The following HDGFL3 variants were observed in gnomAD, a reference collection of about 807,000 sequenced individuals.
The protein encoded by HDGFL3 is HDGF like 3.
A neutral mutation model predicts 27.6 loss-of-function variants in HDGFL3; 6 were observed. The observed-to-expected ratio is 0.22, with a 90% CI of 0.12 to 0.43. HDGFL3 has a LOEUF of 0.43. Among genes scored for constraint, HDGFL3 ranks in the 20% least tolerant of loss-of-function variants. The pLI, the probability that HDGFL3 is intolerant of heterozygous loss-of-function variation, is 1.00. For missense variants in HDGFL3, 207 were observed against 250.1 expected, an observed-to-expected ratio of 0.83 and a Z score of 1.16; for synonymous variants, 88 against 88.9, an observed-to-expected ratio of 0.99 and a Z score of 0.05.
At chr15:83,189,275 C>T (rs2037482506) in intron 1 of HDGFL3, 1 of 152,008 alleles carries the variant, frequency 6.6e-6, no homozygotes, top group African/African-American at 2.4e-5. Context: ...GCTTAAAACT[C>T]TCCTATGACT....
chr15:83,196,038 C>T (rs1231209843), intron 1 of HDGFL3, among the ~76,000 whole-genome samples: 3 of 151,692 alleles, frequency 2.0e-5, no homozygotes, highest in Non-Finnish European at 2.9e-5. Flanking sequence ...AAATAAAGCC[C>T]TGACATTTAT....
chr15:83,142,219 G>T (rs2036786006), intron 5 of HDGFL3, among the ~76,000 whole-genome samples: 1 of 152,146 alleles, frequency 6.6e-6, no homozygotes, highest in South Asian at 2.1e-4. Context: ...ACACATGCAT[G>T]AGAATGTTCA....
At chr15:83,152,706 A>G (rs2036978557) in intron 4 of HDGFL3, among the ~76,000 whole-genome samples, 1 of 151,596 alleles carries the variant, frequency 6.6e-6, no homozygotes, top group Non-Finnish European at 1.5e-5. Context: ...AAAACAAAAA[A>G]AGAGAAAACG....
In HDGFL3 at chr15:83,164,064, G is replaced by A; in HGVS notation, c.96C>T (p.Leu32=). Residue 32 remains leucine (L), a synonymous_variant, in exon 2 of 6, where the codon CTC becomes CTT. Coordinates refer to ENST00000299633, the MANE Select transcript of HDGFL3 (RefSeq NM_016073.4). ...YPHWPARIDE[L]PEGAVKPPAN... ...CTGGAGGCTTCACAGCGCCCTCTGG[G>A]AGTTCATCAATCTATGAAAGATACA... 6.2e-7 allele frequency: 1 copy of A among 1,605,934 alleles called. No individual in the cohort carries two copies. The highest frequency in any genetic ancestry group is 8.5e-7 in the Non-Finnish European group (1 of 1,176,442).
chr15:83,136,383 G>A lies in HDGFL3; in HGVS notation c.*2887C>T. 7.8e-6 allele frequency: 8 copies of A among 1,031,448 alleles called. No individual in the cohort carries two copies. The highest frequency in any genetic ancestry group is 9.5e-6 in the Non-Finnish European group (7 of 735,194). The allele number at this position is 1,031,448 out of a possible 1,614,324, so 63.9% of individuals were successfully genotyped here. A position where few individuals can be genotyped will look rare whatever the true frequency, so the allele number is the denominator to read the frequency against. On this transcript the variant is annotated 3_prime_UTR_variant, in exon 6 of 6. Transcript: ENST00000299633. ...CCTGCAGGTGAGACTGGTTTTGAGGGCACAGAAACGTAGCCTGAATGAACC... is the reference window on the plus strand; with the variant it reads ...CCTGCAGGTGAGACTGGTTTTGAGGACACAGAAACGTAGCCTGAATGAACC...
chr15:83,118,003 A>C (rs2034834533), intron 3 of HDGFL3, among the ~76,000 whole-genome samples: 1 of 152,148 alleles, frequency 6.6e-6, no homozygotes, highest in South Asian at 2.1e-4. Context: ...TGCATAGGAG[A>C]ATGAGGAATG....
In HDGFL3 at chr15:83,163,997, A is replaced by C; in HGVS notation, c.161+2T>G. On this transcript the variant is annotated splice_donor_variant, in intron 2 of 5. Coordinates refer to ENST00000299633, the MANE Select transcript of HDGFL3 (RefSeq NM_016073.4). LOFTEE classifies it high-confidence loss of function. ...CTGTTGAAACTATTTTTGCTAACTT[A>C]CGTTTCATGGGTGCCAAAAAAGAAG... is the stretch of plus-strand genomic sequence containing the variant. 1 of 1,610,820 alleles carries C rather than the reference A, an allele frequency of 6.2e-7. No homozygotes were observed. Among genetic ancestry groups the C allele is most frequent in the East Asian group, 2.2e-5 (1 of 44,792 alleles).
Position 83,135,377 on chromosome 15 carries a change from C to T in HDGFL3, c.*3893G>A, listed in dbSNP as rs2036540450. The T allele has an allele frequency of 6.6e-6, 1 of 152,196 alleles. No individual in the cohort carries two copies. The highest frequency in any genetic ancestry group is 2.4e-5 in the African/African-American group (1 of 41,452). The allele number at this position is 152,196 out of a possible 1,614,324, so 9.4% of individuals were successfully genotyped here. ...AAAGCAAATTATCTAGTTCTTCATT[C>T]TTGTTACTTCTATGCCTTCTCTATA... On this transcript the variant is annotated 3_prime_UTR_variant, in exon 6 of 6. Transcript: ENST00000299633.
At chr15:83,182,208 A>G (rs998136372) in intron 1 of HDGFL3, among the ~76,000 whole-genome samples, 1 of 152,082 alleles carries the variant, frequency 6.6e-6, no homozygotes, top group Admixed American at 6.5e-5. Flanking sequence ...ATCTTTTAAC[A>G]AACTAAAGTG....
At chr15:83,203,854 A>C (rs72758324) in intron 1 of HDGFL3, among the ~76,000 whole-genome samples, 1 of 151,316 alleles carries the variant, frequency 6.6e-6, no homozygotes, top group Non-Finnish European at 1.5e-5. Flanking sequence ...TATATAAAGA[A>C]AATTTAGATA....
chr15:83,205,969 G>GT (rs897004827), intron 1 of HDGFL3, among the ~76,000 whole-genome samples: 1 of 152,196 alleles, frequency 6.6e-6, no homozygotes, highest in African/African-American at 2.4e-5. Flanking sequence ...GATATCTGAG[G>GT]TTGTTAGTGT....
In HDGFL3 at chr15:83,188,443, T is replaced by C. The variant is rs145151752; in HGVS notation, c.84+18888A>G. Among the ~76,000 whole-genome samples, 861 of 152,226 alleles carry C rather than the reference T, an allele frequency of 5.7e-3. 5 individuals are homozygous for C. Among genetic ancestry groups the C allele is most frequent in the Non-Finnish European group, 8.7e-3 (590 of 68,010 alleles). ...TAATTTTTGTATGTTTTGGTAGAGA[T>C]GGGGTTTCACCATTGTTGGCCAGGT... On this transcript the variant is annotated intron_variant, in intron 1 of 5. Transcript: ENST00000299633.
intron 4 of HDGFL3, among the ~76,000 whole-genome samples, chr15:83,156,084 T>C (rs1047364033): frequency 6.6e-6 from 1 of 152,192 alleles, no homozygotes; most frequent in Non-Finnish European, 1.5e-5. Flanking sequence ...GTCTGCATAA[T>C]TAGGCCTTTG....
rs1461297348 is a variant in HDGFL3, at chr15:83,138,474, T to TCTA, written c.*793_*795dup. 2.0e-5 allele frequency: 3 copies of TCTA among 152,552 alleles called. No individual in the cohort carries two copies. The highest frequency in any genetic ancestry group is 2.9e-5 in the Non-Finnish European group (2 of 68,006). The allele number at this position is 152,552 out of a possible 1,614,324, so 9.4% of individuals were successfully genotyped here. ...AAAAGAAAACAGTTTATTTTAAAAG[T>TCTA]CTACATTTAAAAGTCAATGCTTTGT... On this transcript the variant is annotated 3_prime_UTR_variant, in exon 6 of 6. Transcript: ENST00000299633.
chr15:83,206,999 C>T (rs994156995), intron 1 of HDGFL3, among the ~76,000 whole-genome samples: 6 of 152,228 alleles, frequency 3.9e-5, no homozygotes, highest in African/African-American at 1.2e-4. Context: ...CTGCCCGGAG[C>T]CGAAGCCTCC....
intron 1 of HDGFL3, among the ~76,000 whole-genome samples, chr15:83,198,942 A>AGT (rs1372037445): frequency 6.6e-6 from 1 of 152,112 alleles, no homozygotes; most frequent in Non-Finnish European, 1.5e-5. Context: ...AAATCTCAGC[A>AGT]GTGTGTGTGT....
intron 4 of HDGFL3, among the ~76,000 whole-genome samples, chr15:83,153,243 C>A (rs1376511187): frequency 6.6e-6 from 1 of 152,104 alleles, no homozygotes. Context: ...TGGTCTCGAT[C>A]TCCTGACCTC....
At chr15:83,159,599 G>C (rs2037073100) in intron 2 of HDGFL3, among the ~76,000 whole-genome samples, 1 of 152,166 alleles carries the variant, frequency 6.6e-6, no homozygotes, top group East Asian at 1.9e-4. Flanking sequence ...ATAGGAGATG[G>C]ATTTTATAAT....
chr15:83,125,091 A>G (rs949775482), downstream of HDGFL3, among the ~76,000 whole-genome samples: 1 of 152,176 alleles, frequency 6.6e-6, no homozygotes, highest in Admixed American at 6.5e-5. Context: ...AAATGTAAAT[A>G]TCTTTGGTAA....
Sources: gnomAD v4.1 joint callset for allele counts (sites outside exome capture counted in the v4.1 genomes callset) on GRCh38, gnomAD v4.1.1 for gene constraint, MANE v1.5 for transcripts, NCBI Gene and HGNC (gene_info 2026-07-23, HGNC 2026-07-21) for gene names.